Variants in MYO1D observed in about 807,000 individuals in gnomAD.
MYO1D encodes unconventional myosin-Id.
MYO1D carries 83 observed loss-of-function variants against 122.0 expected under a neutral mutation model. That is an observed-to-expected ratio of 0.68 (90% CI 0.57 to 0.82). The LOEUF (loss-of-function observed/expected upper bound fraction) is 0.82. MYO1D is among the 40% of genes least tolerant of loss of function. The pLI is 0.00. For missense variants in MYO1D, 1,157 were observed against 1,269.5 expected, an observed-to-expected ratio of 0.91 and a Z score of 1.35; for synonymous variants, 464 against 446.9, an observed-to-expected ratio of 1.04 and a Z score of -0.48.
rs1445932666 is a variant in MYO1D, at chr17:32,631,270, T to C, written c.2709+7452A>G. 2.0e-5 allele frequency among the ~76,000 whole-genome samples: 3 copies of C among 152,204 alleles called. No individual in the cohort carries two copies. In the East Asian group the frequency reaches 5.8e-4, roughly 29 times the overall value. On this transcript the variant is annotated intron_variant, in intron 20 of 21. Transcript: ENST00000318217. ...AGAGATGTAACTACCAAGTGCCATA[T>C]GATGGAATAATTTTACTTCTACATA...
intron 15 of MYO1D, among the ~76,000 whole-genome samples, chr17:32,717,944 G>C (rs2089466967): frequency 6.6e-6 from 1 of 151,902 alleles, no homozygotes; most frequent in African/African-American, 2.4e-5. Flanking sequence ...CCTATTCTTG[G>C]TGTTCTTTCC....
chr17:32,729,792 C>T (rs1042202361), intron 14 of MYO1D, among the ~76,000 whole-genome samples: 2 of 152,092 alleles, frequency 1.3e-5, no homozygotes, highest in African/African-American at 4.8e-5. Flanking sequence ...GGTCTGGAAT[C>T]CTGAATAGCT....
intron 21 of MYO1D, among the ~76,000 whole-genome samples, chr17:32,590,922 T>C (rs930292283): frequency 1.3e-5 from 2 of 152,236 alleles, no homozygotes; most frequent in Non-Finnish European, 2.9e-5. Flanking sequence ...AAAGGTACAA[T>C]AGCTACCTGC....
At chr17:32,575,761 G>A (rs2087274059) in intron 21 of MYO1D, among the ~76,000 whole-genome samples, 1 of 152,162 alleles carries the variant, frequency 6.6e-6, no homozygotes, top group Admixed American at 6.5e-5. Context: ...CTAGATTGAT[G>A]GGTCAGAAAT....
intron 6 of MYO1D, among the ~76,000 whole-genome samples, chr17:32,767,975 T>G (rs906326220): frequency 6.6e-6 from 1 of 152,232 alleles, no homozygotes; most frequent in Admixed American, 6.5e-5. Flanking sequence ...ATAAGCACTG[T>G]GCCGTTTTCT....
intron 1 of MYO1D, among the ~76,000 whole-genome samples, chr17:32,816,617 GA>G (rs2090615669): frequency 6.6e-6 from 1 of 152,118 alleles, no homozygotes; most frequent in Middle Eastern, 3.4e-3. Context: ...CTAGGCAAGG[GA>G]AAAAACATTT....
At chr17:32,813,224 T>C (rs770270662) in intron 1 of MYO1D, among the ~76,000 whole-genome samples, 7 of 152,208 alleles carry the variant, frequency 4.6e-5, no homozygotes, top group Non-Finnish European at 1.0e-4. Flanking sequence ...CTAACAAATA[T>C]TTTTTGTGCT....
chr17:32,772,956 C>A, intron 4 of MYO1D, 114 bp from the exon 5 acceptor site: 2 of 776,266 alleles, frequency 2.6e-6, no homozygotes, highest in Non-Finnish European at 4.5e-6. Flanking sequence ...ACGTATACAT[C>A]CAGATGGCCT....
intron 18 of MYO1D, 70 bp downstream of exon 18, chr17:32,654,407 T>G: frequency 2.7e-6 from 4 of 1,478,236 alleles, no homozygotes; most frequent in Non-Finnish European, 3.6e-6. Flanking sequence ...GCAAATTCTT[T>G]GGAGATATGT....
At chr17:32,843,673 T>C (rs1452456217) in intron 1 of MYO1D, among the ~76,000 whole-genome samples, 1 of 152,212 alleles carries the variant, frequency 6.6e-6, no homozygotes, top group Non-Finnish European at 1.5e-5. Context: ...GGAAAGGCAG[T>C]GGATTTCATC....
chr17:32,675,115 C>G (rs1261384872), intron 16 of MYO1D, among the ~76,000 whole-genome samples: 1 of 152,068 alleles, frequency 6.6e-6, no homozygotes, highest in South Asian at 2.1e-4. Flanking sequence ...GGTCATAACT[C>G]AATTACAAGA....
chr17:32,535,017 T>C (rs985616343), intron 21 of MYO1D, among the ~76,000 whole-genome samples: 2 of 152,290 alleles, frequency 1.3e-5, no homozygotes, highest in African/African-American at 2.4e-5. Context: ...GCTAAGTCCA[T>C]ACAGATATAT....
At chr17:32,625,121 G>A (rs1035020099) in intron 20 of MYO1D, among the ~76,000 whole-genome samples, 3 of 152,004 alleles carry the variant, frequency 2.0e-5, no homozygotes, top group African/African-American at 4.8e-5. Flanking sequence ...CCATACCTTC[G>A]GAGCTCCTGA....
At chr17:32,860,472 C>T (rs1405370368) in intron 1 of MYO1D, among the ~76,000 whole-genome samples, 1 of 152,192 alleles carries the variant, frequency 6.6e-6, no homozygotes, top group East Asian at 1.9e-4. Flanking sequence ...ATAACATAGA[C>T]TACTAAGACC....
chr17:32,539,429 T>G (rs909808885), intron 21 of MYO1D, among the ~76,000 whole-genome samples: 3 of 152,156 alleles, frequency 2.0e-5, no homozygotes, highest in African/African-American at 7.2e-5. Context: ...ACCATAAACT[T>G]AGCGGCTTAA....
In MYO1D at chr17:32,659,262, C is replaced by T. The variant is rs755549663; in HGVS notation, c.2198G>A (p.Arg733His). 2.8e-5 allele frequency: 45 copies of T among 1,614,072 alleles called. No homozygotes were observed. Among genetic ancestry groups the T allele is most frequent in the Middle Eastern group, 1.6e-4 (1 of 6,084 alleles). ...GTGGATGTACGACTTCACTTTGTAG[C>T]GCCGGTAGTACCTGATTATTGTCAG... ...AALTIIRYYRRYKVKSYIHEV... is the reference protein window; with the variant it reads ...AALTIIRYYRHYKVKSYIHEV... Residue 733 changes from arginine (R) to histidine (H), a missense_variant, in exon 17 of 22, where the codon CGC becomes CAC. Transcript: ENST00000318217.
At chr17:32,735,245 A>G (rs776212718) in intron 14 of MYO1D, among the ~76,000 whole-genome samples, 38 of 152,062 alleles carry the variant, frequency 2.5e-4, no homozygotes, top group Non-Finnish European at 8.8e-5. Flanking sequence ...GCTGGAATGC[A>G]TTGGCACCAT....
chr17:32,625,769 G>A (rs1484766736), intron 20 of MYO1D, among the ~76,000 whole-genome samples: 1 of 152,102 alleles, frequency 6.6e-6, no homozygotes, highest in African/African-American at 2.4e-5. Flanking sequence ...GAGTGCAGGT[G>A]ATCTGCCTGC....
intron 1 of MYO1D, among the ~76,000 whole-genome samples, chr17:32,845,843 G>A (rs1487926368): frequency 6.6e-6 from 1 of 152,056 alleles, no homozygotes; most frequent in Non-Finnish European, 1.5e-5. Context: ...CTCCTGTGGT[G>A]GCTTTCTACA....
Sources: allele counts gnomAD v4.1 joint callset (sites outside exome capture counted in the v4.1 genomes callset), GRCh38; gene constraint gnomAD v4.1.1; transcripts MANE v1.5; gene names NCBI Gene and HGNC (gene_info 2026-07-23, HGNC 2026-07-21).